PACS2: variants seen among roughly 807,000 people sequenced by gnomAD.
The protein encoded by PACS2 is PACS1-like protein.
Under a neutral mutation model 113.0 loss-of-function variants are expected in PACS2, and 36 were observed. The ratio of observed to expected loss-of-function variants is 0.32; its 90% CI spans 0.24 to 0.42. The LOEUF (loss-of-function observed/expected upper bound fraction) is 0.42. Ranked by LOEUF, PACS2 falls within the 10% of genes least tolerant of loss-of-function variation. The pLI, the probability that PACS2 is intolerant of heterozygous loss-of-function variation, is 1.00. For synonymous variants in PACS2, 589 were observed against 536.1 expected, an observed-to-expected ratio of 1.10 and a Z score of -1.36; for missense variants, 1,015 against 1,239.5, an observed-to-expected ratio of 0.82 and a Z score of 2.72.
chr14:105,341,641 C>T (rs2059728556), intron 1 of PACS2, among the ~76,000 whole-genome samples: 1 of 152,218 alleles, frequency 6.6e-6, no homozygotes, highest in African/African-American at 2.4e-5. Context: ...GGATAATAAG[C>T]AAATAACATG....
intron 1 of PACS2, among the ~76,000 whole-genome samples, chr14:105,304,858 G>A (rs777547041): frequency 1.1e-4 from 17 of 152,178 alleles, no homozygotes; most frequent in Non-Finnish European, 1.8e-4. Context: ...AGACTTATTC[G>A]CAATCACAAG....
At chr14:105,338,180 G>A (rs1350077200) in intron 1 of PACS2, among the ~76,000 whole-genome samples, 3 of 152,204 alleles carry the variant, frequency 2.0e-5, no homozygotes, top group African/African-American at 4.8e-5. Flanking sequence ...CTCCCCTTCC[G>A]CCTGCTGTGG....
intron 8 of PACS2, among the ~76,000 whole-genome samples, chr14:105,375,749 C>T (rs1850776467): frequency 6.6e-6 from 1 of 152,136 alleles, no homozygotes; most frequent in Non-Finnish European, 1.5e-5. Context: ...TGCCAGACAC[C>T]CAGCACCCCT....
In PACS2 at chr14:105,366,341, C is replaced by A. The variant is rs1215495910; in HGVS notation, c.424-872C>A. 6.6e-6 allele frequency among the ~76,000 whole-genome samples: 1 copy of A among 152,188 alleles called. No individual in the cohort carries two copies. The highest frequency in any genetic ancestry group is 1.5e-5 in the Non-Finnish European group (1 of 68,034). On this transcript the variant is annotated intron_variant, in intron 4 of 24. Coordinates refer to ENST00000447393, the MANE Select transcript of PACS2 (RefSeq NM_001100913.3). This position sits in a 1 kb window ranked among gnomAD's most constrained non-coding sequence, Gnocchi z 4.3. ...CCAGCCTGGGCCACAGAATGAGACTCCGTCTCAAAAAAGTAATAAATAAAT... is the reference window on the plus strand; with the variant it reads ...CCAGCCTGGGCCACAGAATGAGACTACGTCTCAAAAAAGTAATAAATAAAT...
At chr14:105,377,301 C>G (rs1204302281) in intron 9 of PACS2, among the ~76,000 whole-genome samples, 1 of 152,040 alleles carries the variant, frequency 6.6e-6, no homozygotes, top group African/African-American at 2.4e-5. Flanking sequence ...GAGTAGAGCT[C>G]CCATGCTGGG....
At chr14:105,336,408 C>T (rs2059523233) in intron 1 of PACS2, 1 of 152,418 alleles carries the variant, frequency 6.6e-6, no homozygotes, top group South Asian at 2.1e-4. Flanking sequence ...CGCAGCCTCT[C>T]CAGGAGGCCT....
chr14:105,378,816 G>C (rs942799080), intron 9 of PACS2, among the ~76,000 whole-genome samples: 3 of 152,244 alleles, frequency 2.0e-5, no homozygotes, highest in Admixed American at 6.5e-5. Context: ...TGAGACATTC[G>C]GCCTGGATGG....
rs1490985760 is a variant in PACS2 at position 105,394,790 on chromosome 14, T to G, written c.*118T>G. ...CTTAAAACACAAAGAGAAACAGTCT[T>G]AAGTATGAATGTGCTCACAACGTGG... On this transcript the variant is annotated 3_prime_UTR_variant, in exon 25 of 25. Coordinates refer to ENST00000447393, the MANE Select transcript of PACS2 (RefSeq NM_001100913.3). The G allele has an allele frequency of 8.1e-6, 6 of 744,136 alleles. No individual in the cohort carries two copies. The highest frequency in any genetic ancestry group is 1.4e-5 in the Non-Finnish European group (6 of 414,018). The allele number at this position is 744,136 out of a possible 1,614,324, so 46.1% of individuals were successfully genotyped here. A position where few individuals can be genotyped will look rare whatever the true frequency, so the allele number is the denominator to read the frequency against.
chr14:105,314,644 A>AATCGGC (rs2058473221), upstream of PACS2: 1 of 141,940 alleles, frequency 7.0e-6, no homozygotes, highest in South Asian at 2.2e-4. Flanking sequence ...CCGCCCAGCC[A>AATCGGC]ATCGGCGGCG....
intron 1 of PACS2, among the ~76,000 whole-genome samples, chr14:105,325,977 C>A (rs1595576121): frequency 6.6e-6 from 1 of 152,246 alleles, no homozygotes; most frequent in Admixed American, 6.5e-5. Flanking sequence ...AGCTAGGATG[C>A]CACCAGCATC....
chr14:105,303,225 G>A (rs777293055), intron 1 of PACS2, among the ~76,000 whole-genome samples: 7 of 151,828 alleles, frequency 4.6e-5, no homozygotes, highest in African/African-American at 9.7e-5. Flanking sequence ...CAATGCACCC[G>A]GCCCCTTTTT....
At chr14:105,369,475 C>T (rs1418874621) in intron 7 of PACS2, among the ~76,000 whole-genome samples, 2 of 152,214 alleles carry the variant, frequency 1.3e-5, no homozygotes, top group Admixed American at 1.3e-4. Context: ...ACCCCACACT[C>T]GCCCACCTGC....
At position 105,355,650 on chromosome 14, in the gene PACS2, G is replaced by A. The variant is rs587645389; in HGVS notation, c.423+473G>A. ...GCTAGCGACAATACCCGAGCAGGGC[G>A]GGGGCAGCACCCAGAGGTCAGAGGG... On this transcript the variant is annotated intron_variant, in intron 4 of 24. Transcript: ENST00000447393. This position sits in a 1 kb window ranked among gnomAD's most constrained non-coding sequence, Gnocchi z 4.1. Among the ~76,000 whole-genome samples, 14 of 152,342 alleles carry A rather than the reference G, an allele frequency of 9.2e-5. No homozygotes were observed. In the South Asian group the frequency reaches 2.7e-3, roughly 29 times the overall value.
At chr14:105,333,095 T>TGA (rs113817359) in intron 1 of PACS2, among the ~76,000 whole-genome samples, 18 of 151,790 alleles carry the variant, frequency 1.2e-4, no homozygotes, top group Non-Finnish European at 1.8e-4. Flanking sequence ...GGCGTGGGTG[T>TGA]GAGAGAGAGA....
intron 1 of PACS2, among the ~76,000 whole-genome samples, chr14:105,326,688 G>T (rs1353416032): frequency 1.3e-5 from 2 of 152,218 alleles, no homozygotes; most frequent in Non-Finnish European, 2.9e-5. Context: ...TCAAGCCTGG[G>T]GTGTGGCCTA....
chr14:105,318,877 G>A (rs2058771942), intron 1 of PACS2, among the ~76,000 whole-genome samples: 1 of 150,856 alleles, frequency 6.6e-6, no homozygotes, highest in Admixed American at 6.6e-5. Flanking sequence ...AGCCAGGATG[G>A]TCTCAATTTT....
chr14:105,350,200 T>TGCCACCAG (rs1436114748), intron 2 of PACS2, among the ~76,000 whole-genome samples: 3 of 152,064 alleles, frequency 2.0e-5, no homozygotes, highest in Admixed American at 6.5e-5. Context: ...TGTGGGCCAT[T>TGCCACCAG]GCCACCAGGC....
At chr14:105,332,510 TG>T (rs1181110207) in intron 1 of PACS2, among the ~76,000 whole-genome samples, 1 of 152,136 alleles carries the variant, frequency 6.6e-6, no homozygotes, top group Non-Finnish European at 1.5e-5. Flanking sequence ...AAAACCCCCA[TG>T]GGAAGCTGTG....
intron 20 of PACS2, chr14:105,390,946 T>TA (rs781807658): frequency 2.8e-4 from 156 of 550,250 alleles, no homozygotes; most frequent in Non-Finnish European, 4.4e-4. Context: ...AGTTTGCAGC[T>TA]GCCCTGAGGG....
Sources: allele counts gnomAD v4.1 joint callset (sites outside exome capture counted in the v4.1 genomes callset), GRCh38; gene constraint gnomAD v4.1.1; non-coding constraint Gnocchi (gnomAD v3.1); transcripts MANE v1.5; gene names NCBI Gene and HGNC (gene_info 2026-07-23, HGNC 2026-07-21).